ERBB4: variants seen among roughly 807,000 people sequenced by gnomAD.
ERBB4 encodes receptor tyrosine-protein kinase erbB-4.
ERBB4 carries 42 observed loss-of-function variants against 158.0 expected under a neutral mutation model. The ratio of observed to expected loss-of-function variants is 0.27; its 90% CI spans 0.21 to 0.34. ERBB4 has a LOEUF of 0.34. ERBB4 is among the 10% of genes least tolerant of loss of function. ERBB4 has a pLI of 1.00. For synonymous variants in ERBB4, 583 were observed against 558.7 expected (o/e 1.04, Z -0.61); for missense variants, 1,333 against 1,624.1 (o/e 0.82, Z 3.08).
chr2:212,092,381 C>T (rs1334154731), intron 2 of ERBB4, among the ~76,000 whole-genome samples: 1 of 152,074 alleles, frequency 6.6e-6, no homozygotes, highest in South Asian at 2.1e-4. Flanking sequence ...ACTTTCTGCT[C>T]CTTGGAGAAT....
intron 1 of ERBB4, among the ~76,000 whole-genome samples, chr2:212,295,560 A>T (rs904312950): frequency 4.6e-5 from 7 of 152,092 alleles, no homozygotes; most frequent in Admixed American, 4.6e-4. Flanking sequence ...CAAATTACTG[A>T]CATCACGACA....
At chr2:212,132,037 C>T (rs2080121147) in intron 1 of ERBB4, among the ~76,000 whole-genome samples, 1 of 152,120 alleles carries the variant, frequency 6.6e-6, no homozygotes, top group African/African-American at 2.4e-5. Flanking sequence ...CTTTTCCTCT[C>T]TTATTTCCTT....
intron 1 of ERBB4, among the ~76,000 whole-genome samples, chr2:212,474,283 T>C (rs1381272363): frequency 1.3e-5 from 2 of 152,056 alleles, no homozygotes; most frequent in Non-Finnish European, 2.9e-5. Context: ...AAATGATTGT[T>C]TAATTGAAAC....
At chr2:211,513,717 C>G (rs1486520659) in intron 20 of ERBB4, among the ~76,000 whole-genome samples, 4 of 152,166 alleles carry the variant, frequency 2.6e-5, no homozygotes, top group Non-Finnish European at 5.9e-5. Context: ...GCAGGCGCCC[C>G]CAACCCCTGT....
chr2:211,583,740 C>A (rs550996161), intron 19 of ERBB4, among the ~76,000 whole-genome samples: 9 of 151,124 alleles, frequency 6.0e-5, no homozygotes, highest in African/African-American at 1.2e-4. Flanking sequence ...TTAATATAAA[C>A]AATCCAATTT....
At chr2:212,139,228 T>C (rs938219612) in intron 1 of ERBB4, among the ~76,000 whole-genome samples, 1 of 152,054 alleles carries the variant, frequency 6.6e-6, no homozygotes, top group African/African-American at 2.4e-5. Flanking sequence ...TTAGCAAATT[T>C]TGTAAGTATT....
At chr2:211,414,127 C>A (rs2063329606) in intron 25 of ERBB4, among the ~76,000 whole-genome samples, 2 of 152,132 alleles carry the variant, frequency 1.3e-5, no homozygotes, top group Non-Finnish European at 2.9e-5. Flanking sequence ...TCTGCCTAGG[C>A]CTTTGTCTGC....
chr2:212,491,042 T>A (rs1023544781), intron 1 of ERBB4, among the ~76,000 whole-genome samples: 1 of 151,740 alleles, frequency 6.6e-6, no homozygotes, highest in Non-Finnish European at 1.5e-5. Context: ...TCTCTTTTTT[T>A]AAAAGTAAGA....
intron 13 of ERBB4, among the ~76,000 whole-genome samples, chr2:211,678,383 T>TA (rs1481249694): frequency 6.8e-6 from 1 of 147,892 alleles, no homozygotes; most frequent in Non-Finnish European, 1.5e-5. Context: ...GAGAGGAAAA[T>TA]AAAAAATATT....
chr2:212,383,065 A>T (rs1171058374), intron 1 of ERBB4, among the ~76,000 whole-genome samples: 1 of 151,144 alleles, frequency 6.6e-6, no homozygotes, highest in Non-Finnish European at 1.5e-5. Flanking sequence ...AATTGTTTTT[A>T]AGCTTAGAGA....
chr2:211,754,923 A>G (rs1044991444), intron 4 of ERBB4, among the ~76,000 whole-genome samples: 5 of 150,224 alleles, frequency 3.3e-5, no homozygotes, highest in African/African-American at 1.2e-4. Flanking sequence ...CTGGTCTTGA[A>G]CTCCTGACCT....
intron 5 of ERBB4, among the ~76,000 whole-genome samples, chr2:211,735,216 T>C (rs369217022): frequency 7.9e-5 from 8 of 101,078 alleles, no homozygotes; most frequent in African/African-American, 3.9e-4. Context: ...GAGTATCACA[T>C]GAATTTAAAA....
intron 1 of ERBB4, among the ~76,000 whole-genome samples, chr2:212,524,751 G>A (rs1692354871): frequency 6.6e-6 from 1 of 151,916 alleles, no homozygotes; most frequent in South Asian, 2.1e-4. Flanking sequence ...TCAGAAAAAT[G>A]CATTTCTCGA....
At chr2:211,586,569 G>A (rs1364098322) in intron 19 of ERBB4, among the ~76,000 whole-genome samples, 1 of 152,020 alleles carries the variant, frequency 6.6e-6, no homozygotes, top group African/African-American at 2.4e-5. Flanking sequence ...CTGCCCATAC[G>A]CAATCCTAGA....
intron 2 of ERBB4, among the ~76,000 whole-genome samples, chr2:211,952,759 G>T (rs1417237139): frequency 6.6e-6 from 1 of 151,852 alleles, no homozygotes; most frequent in Non-Finnish European, 1.5e-5. Context: ...CGTAATAGGG[G>T]TTAGAAGATA....
At chr2:211,999,251 T>C (rs947519883) in intron 2 of ERBB4, among the ~76,000 whole-genome samples, 1 of 151,852 alleles carries the variant, frequency 6.6e-6, no homozygotes, top group Admixed American at 6.6e-5. Context: ...ATATTAGTAA[T>C]TGATTTTGTG....
intron 19 of ERBB4, among the ~76,000 whole-genome samples, chr2:211,583,278 T>C (rs1054936533): frequency 3.9e-5 from 6 of 151,966 alleles, no homozygotes; most frequent in African/African-American, 1.4e-4. Context: ...TCAGAAACAA[T>C]TTAATTTCAT....
At chr2:211,857,843 C>A (rs112314250) in intron 3 of ERBB4, among the ~76,000 whole-genome samples, 2,436 of 152,314 alleles carry the variant, frequency 0.016, 29 homozygotes, top group South Asian at 0.026. Flanking sequence ...GTACTGAATT[C>A]TCCGCTATTG....
intron 25 of ERBB4, among the ~76,000 whole-genome samples, chr2:211,400,468 G>C (rs917605475): frequency 6.6e-6 from 1 of 152,024 alleles, no homozygotes; most frequent in African/African-American, 2.4e-5. Flanking sequence ...TGAGGGTAGA[G>C]GTTATTTTGC....
Sources: gnomAD v4.1 joint callset for allele counts (sites outside exome capture counted in the v4.1 genomes callset) on GRCh38, gnomAD v4.1.1 for gene constraint, MANE v1.5 for transcripts, NCBI Gene and HGNC (gene_info 2026-07-23, HGNC 2026-07-21) for gene names.